FRMD4A: variants seen among roughly 807,000 people sequenced by gnomAD.
FRMD4A encodes the protein FERM domain containing 4A.
A neutral mutation model predicts 129.1 loss-of-function variants in FRMD4A; 29 were observed. The observed-to-expected ratio is 0.22, with a 90% confidence interval of 0.17 to 0.31. The LOEUF (loss-of-function observed/expected upper bound fraction) is 0.31. Among genes scored for constraint, FRMD4A ranks in the 10% least tolerant of loss-of-function variants. The pLI is 1.00. For missense variants in FRMD4A, 1,272 were observed against 1,375.8 expected (o/e 0.92, Z 1.19); for synonymous variants, 634 against 571.6 (o/e 1.11, Z -1.56).
chr10:13,778,956 A>C (rs1355637662), intron 6 of FRMD4A, among the ~76,000 whole-genome samples: 1 of 152,118 alleles, frequency 6.6e-6, no homozygotes, highest in Non-Finnish European at 1.5e-5. Context: ...CTTAAAGTAT[A>C]ATAATAATAA....
In FRMD4A at chr10:14,231,548, G is replaced by A. The variant is rs192692334; in HGVS notation, c.45+98510C>T. On this transcript the variant is annotated intron_variant, in intron 2 of 24. Coordinates refer to ENST00000357447, the MANE Select transcript of FRMD4A (RefSeq NM_018027.5). Reference sequence around the variant, plus strand: ...TTTTTAGTAGAGACGAGGTTTCACCGTGTTAGCCAGGATGGTCTCGATCTC... The same window carrying A: ...TTTTTAGTAGAGACGAGGTTTCACCATGTTAGCCAGGATGGTCTCGATCTC... Among the ~76,000 whole-genome samples, 457 of 152,176 alleles carry A rather than the reference G, an allele frequency of 3.0e-3. 2 individuals are homozygous for A. The highest frequency in any genetic ancestry group is 9.8e-3 in the African/African-American group (409 of 41,524).
intron 2 of FRMD4A, among the ~76,000 whole-genome samples, chr10:14,123,299 C>A (rs1470243301): frequency 6.6e-6 from 1 of 152,174 alleles, no homozygotes; most frequent in Non-Finnish European, 1.5e-5. Context: ...AGACTCCCTG[C>A]AGGCACAGGC....
chr10:14,171,975 A>T (rs1398438354), intron 2 of FRMD4A, among the ~76,000 whole-genome samples: 1 of 152,218 alleles, frequency 6.6e-6, no homozygotes, highest in Non-Finnish European at 1.5e-5. Flanking sequence ...TAAATTAAAA[A>T]TATCGCTGGG....
At chr10:13,937,745 A>G (rs1736713953) in intron 2 of FRMD4A, among the ~76,000 whole-genome samples, 1 of 152,204 alleles carries the variant, frequency 6.6e-6, no homozygotes, top group African/African-American at 2.4e-5. Context: ...CTCTAAATCC[A>G]TTTCCAGTGA....
At chr10:13,881,851 G>A (rs1288703886) in intron 2 of FRMD4A, among the ~76,000 whole-genome samples, 1 of 151,410 alleles carries the variant, frequency 6.6e-6, no homozygotes, top group Non-Finnish European at 1.5e-5. Context: ...ACAGGAGCAG[G>A]GAACACTGGA....
chr10:14,005,293 A>G (rs1333953080), intron 2 of FRMD4A, among the ~76,000 whole-genome samples: 1 of 152,136 alleles, frequency 6.6e-6, no homozygotes, highest in Non-Finnish European at 1.5e-5. Flanking sequence ...AAGTGCTGGG[A>G]TTACAGGTGT....
chr10:14,094,557 A>G (rs548908186), intron 2 of FRMD4A, among the ~76,000 whole-genome samples: 17 of 152,080 alleles, frequency 1.1e-4, no homozygotes, highest in Admixed American at 9.8e-4. Context: ...CAACACCCAA[A>G]CAGAAAACTG....
At chr10:14,304,329 A>T (rs369286215) in intron 2 of FRMD4A, among the ~76,000 whole-genome samples, 4 of 152,266 alleles carry the variant, frequency 2.6e-5, no homozygotes, top group Admixed American at 6.5e-5. Context: ...TATCATTGCC[A>T]TCCTGATGGG....
At chr10:14,204,528 G>A (rs559557795) in intron 2 of FRMD4A, among the ~76,000 whole-genome samples, 12 of 152,098 alleles carry the variant, frequency 7.9e-5, no homozygotes, top group East Asian at 3.9e-4. Flanking sequence ...CACACGTCAC[G>A]GTGAATTGCC....
chr10:13,870,614 C>T (rs1589108108), intron 2 of FRMD4A, among the ~76,000 whole-genome samples: 2 of 152,348 alleles, frequency 1.3e-5, no homozygotes, highest in South Asian at 2.1e-4. Context: ...AGATGCCACA[C>T]ACCTTCTCCT....
chr10:14,087,106 G>A (rs886220021), intron 2 of FRMD4A, among the ~76,000 whole-genome samples: 7 of 151,768 alleles, frequency 4.6e-5, no homozygotes, highest in African/African-American at 1.5e-4. Context: ...CCCTGGTTGC[G>A]GGGGGTGGGC....
At chr10:14,055,444 CACACACACACACACACAA>C (rs1438050801) in intron 2 of FRMD4A, among the ~76,000 whole-genome samples, 1,316 of 42,628 alleles carry the variant, frequency 0.031, 16 homozygotes, top group African/African-American at 0.075. Flanking sequence ...TAGCTACACA[CACACACACACACACACAA>C]ACACACACAC....
intron 2 of FRMD4A, among the ~76,000 whole-genome samples, chr10:14,096,676 G>T (rs891055551): frequency 1.2e-4 from 18 of 152,202 alleles, no homozygotes; most frequent in Non-Finnish European, 1.8e-4. Context: ...GCTTGGCCAT[G>T]AAAATAAGTG....
chr10:14,131,523 T>G (rs1415275802), intron 2 of FRMD4A, among the ~76,000 whole-genome samples: 1 of 151,948 alleles, frequency 6.6e-6, no homozygotes, highest in African/African-American at 2.4e-5. Flanking sequence ...ATTCCAAACA[T>G]GAACAACACA....
At chr10:13,702,644 T>C (rs117902061) in intron 13 of FRMD4A, among the ~76,000 whole-genome samples, 3 of 152,044 alleles carry the variant, frequency 2.0e-5, no homozygotes, top group South Asian at 2.1e-4. Flanking sequence ...AGAAACAAAA[T>C]GTATGTTCTC....
chr10:13,989,899 C>T (rs1410249055), intron 2 of FRMD4A, among the ~76,000 whole-genome samples: 1 of 152,170 alleles, frequency 6.6e-6, no homozygotes, highest in Non-Finnish European at 1.5e-5. Context: ...AACTGGGCAT[C>T]CTGTATTTTC....
chr10:13,785,760 A>G (rs934404794), intron 5 of FRMD4A, among the ~76,000 whole-genome samples: 5 of 151,962 alleles, frequency 3.3e-5, no homozygotes, highest in Non-Finnish European at 7.4e-5. Context: ...TCCTAATGCT[A>G]TCCCTCCCCC....
At chr10:13,805,852 C>T (rs1484325932) in intron 4 of FRMD4A, among the ~76,000 whole-genome samples, 1 of 118,992 alleles carries the variant, frequency 8.4e-6, no homozygotes, top group Non-Finnish European at 1.7e-5. Context: ...CCATGCCTGG[C>T]TAATTTTTAA....
intron 5 of FRMD4A, among the ~76,000 whole-genome samples, chr10:13,785,251 A>G (rs146452763): frequency 3.3e-5 from 5 of 152,252 alleles, no homozygotes; most frequent in African/African-American, 1.2e-4. Flanking sequence ...CAGACATTAA[A>G]TTTTCTCAAT....
Sources: allele counts gnomAD v4.1 joint callset (sites outside exome capture counted in the v4.1 genomes callset), GRCh38; gene constraint gnomAD v4.1.1; transcripts MANE v1.5; gene names NCBI Gene and HGNC (gene_info 2026-07-23, HGNC 2026-07-21).